The following TP53BP1 variants were observed in gnomAD, a reference collection of about 807,000 sequenced individuals.
The protein encoded by TP53BP1 is TP53-binding protein 1.
In TP53BP1, 61 loss-of-function variants were observed where a neutral mutation model predicts 200.8. That is an observed-to-expected ratio of 0.30 (90% confidence interval 0.25 to 0.38). The LOEUF (loss-of-function observed/expected upper bound fraction) is 0.38, where lower values mean the gene tolerates loss of function less well. Among genes scored for constraint, TP53BP1 ranks in the 10% least tolerant of loss-of-function variants. TP53BP1 has a pLI of 1.00. For synonymous variants in TP53BP1, 822 were observed against 844.3 expected, an observed-to-expected ratio of 0.97 and a Z score of 0.46; for missense variants, 2,144 against 2,371.9, an observed-to-expected ratio of 0.90 and a Z score of 2.00.
At chr15:43,428,997 A>T (rs1024599212) in intron 17 of TP53BP1, among the ~76,000 whole-genome samples, 6 of 152,206 alleles carry the variant, frequency 3.9e-5, no homozygotes, top group African/African-American at 1.4e-4. Context: ...CTCATTCAAC[A>T]CTGAAAAAAT....
At chr15:43,449,236 A>ACTTTTC (rs1259331509) in intron 12 of TP53BP1, among the ~76,000 whole-genome samples, 1 of 152,352 alleles carries the variant, frequency 6.6e-6, no homozygotes, top group East Asian at 1.9e-4. Context: ...GAAAAGAGAA[A>ACTTTTC]TGGGTCAGGT....
chr15:43,457,641 C>T (rs919006667), intron 11 of TP53BP1, among the ~76,000 whole-genome samples: 5 of 127,962 alleles, frequency 3.9e-5, no homozygotes, highest in African/African-American at 1.2e-4. Flanking sequence ...CACTGCACTC[C>T]AGCCTGGGTG....
At chr15:43,491,860 A>C in intron 3 of TP53BP1, 107 bp from the exon 4 acceptor site, 1 of 1,108,726 alleles carries the variant, frequency 9.0e-7, no homozygotes, top group South Asian at 1.2e-5. Flanking sequence ...CTAGCACATC[A>C]ACTTTTGAGT....
chr15:43,431,778 TC>T (rs969447882), intron 17 of TP53BP1, among the ~76,000 whole-genome samples: 7 of 152,286 alleles, frequency 4.6e-5, no homozygotes, highest in African/African-American at 1.7e-4. Flanking sequence ...GCTGCTTCTT[TC>T]CCCCTTACCT....
intron 26 of TP53BP1, 179 bp from the exon 27 acceptor site, chr15:43,408,267 T>A (rs1350806937): frequency 3.2e-6 from 2 of 618,496 alleles, no homozygotes; most frequent in African/African-American, 3.7e-5. Context: ...CTCTTGGGCC[T>A]GGGAGTTCGA....
chr15:43,445,934 T>C (rs564562591), intron 14 of TP53BP1, among the ~76,000 whole-genome samples: 2 of 152,310 alleles, frequency 1.3e-5, no homozygotes, highest in East Asian at 3.9e-4. Flanking sequence ...AATCTGATCA[T>C]ATTACTCCCT....
chr15:43,468,784 A>G (rs930763344), intron 11 of TP53BP1, among the ~76,000 whole-genome samples: 41 of 152,178 alleles, frequency 2.7e-4, no homozygotes, highest in Admixed American at 2.0e-3. Flanking sequence ...CTAAGATTCA[A>G]TTTCAATTGG....
Position 43,404,218 on chromosome 15 carries a change from C to A in TP53BP1, c.*3165G>T. 1 of 598,132 alleles carries A rather than the reference C, an allele frequency of 1.7e-6. No homozygotes were observed. Among genetic ancestry groups the A allele is most frequent in the Non-Finnish European group, 2.9e-6 (1 of 348,790 alleles). The allele number at this position is 598,132 out of a possible 1,614,324, so 37.1% of individuals were successfully genotyped here. A position where few individuals can be genotyped will look rare whatever the true frequency, so the allele number is the denominator to read the frequency against. ...ATTCCTACTGATGAAAGAGTACTTT[C>A]ATAGGAAGTCATGCATGTATGGATT... On this transcript the variant is annotated 3_prime_UTR_variant, in exon 28 of 28. Coordinates refer to ENST00000382044, the MANE Select transcript of TP53BP1 (RefSeq NM_001141980.3).
At chr15:43,491,911 T>A (rs1379376800) in intron 3 of TP53BP1, 91 bp downstream of exon 3, 4 of 1,177,312 alleles carry the variant, frequency 3.4e-6, no homozygotes, top group Non-Finnish European at 3.8e-6. Flanking sequence ...CTTACATACA[T>A]TCGACACAAC....
chr15:43,420,948 A>G, intron 20 of TP53BP1, 77 bp downstream of exon 20: 1 of 1,530,410 alleles, frequency 6.5e-7, no homozygotes, highest in Non-Finnish European at 8.8e-7. Flanking sequence ...GACACCCCAC[A>G]AACTCTCTAC....
chr15:43,503,658 CAA>C (rs966267823), intron 1 of TP53BP1, among the ~76,000 whole-genome samples: 6 of 145,450 alleles, frequency 4.1e-5, no homozygotes, highest in African/African-American at 1.5e-4. Context: ...GACTCCATCT[CAA>C]AAAAAAAAAG....
At chr15:43,443,132 A>G (rs1245334205) in intron 14 of TP53BP1, among the ~76,000 whole-genome samples, 1 of 152,074 alleles carries the variant, frequency 6.6e-6, no homozygotes, top group East Asian at 1.9e-4. Context: ...GGCCAGCAGT[A>G]ACATTCTTAA....
chr15:43,427,975 A>T (rs1428724502), intron 18 of TP53BP1, 41 bp downstream of exon 18: 2 of 1,410,672 alleles, frequency 1.4e-6, no homozygotes, highest in East Asian at 2.4e-5. Context: ...AAAAAAAAAG[A>T]AAGAAAGAAA....
intron 17 of TP53BP1, among the ~76,000 whole-genome samples, chr15:43,428,461 C>A (rs1389807642): frequency 6.6e-6 from 1 of 152,156 alleles, no homozygotes; most frequent in Non-Finnish European, 1.5e-5. Flanking sequence ...GAACCTTTGA[C>A]CCCTAAAAGT....
At chr15:43,471,870 GTTATAC>G (rs2046734005) in intron 10 of TP53BP1, among the ~76,000 whole-genome samples, 1 of 152,120 alleles carries the variant, frequency 6.6e-6, no homozygotes, top group Non-Finnish European at 1.5e-5. Flanking sequence ...ACCTAATCAT[GTTATAC>G]TTAGATTGAT....
At chr15:43,501,902 T>C (rs911825770) in intron 1 of TP53BP1, among the ~76,000 whole-genome samples, 1 of 152,258 alleles carries the variant, frequency 6.6e-6, no homozygotes, top group Non-Finnish European at 1.5e-5. Flanking sequence ...TGAACATTTA[T>C]AAACAATTCG....
At chr15:43,487,767 G>C (rs887919356) in intron 4 of TP53BP1, among the ~76,000 whole-genome samples, 1 of 141,412 alleles carries the variant, frequency 7.1e-6, no homozygotes, top group South Asian at 2.2e-4. Flanking sequence ...CTGGGCGACA[G>C]AGCAAGACTC....
At chr15:43,408,743 T>C (rs913476658) in intron 26 of TP53BP1, 154 bp downstream of exon 26, 10 of 705,236 alleles carry the variant, frequency 1.4e-5, no homozygotes, top group Non-Finnish European at 2.1e-5. Context: ...GGAAATAAAC[T>C]AGATAAACTC....
chr15:43,431,256 C>T (rs1006707231), intron 17 of TP53BP1, among the ~76,000 whole-genome samples: 2 of 152,100 alleles, frequency 1.3e-5, no homozygotes, highest in African/African-American at 4.8e-5. Flanking sequence ...GCAACTAAAA[C>T]CACCAAGAAA....
Sources: allele counts gnomAD v4.1 joint callset (sites outside exome capture counted in the v4.1 genomes callset), GRCh38; gene constraint gnomAD v4.1.1; transcripts MANE v1.5; gene names NCBI Gene and HGNC (gene_info 2026-07-23, HGNC 2026-07-21).